Variants in LMO3 observed in about 807,000 individuals in gnomAD.
LMO3 encodes LIM domain only 3, also known as LIM domain only protein 3.
LMO3 carries 2 observed loss-of-function variants against 15.8 expected under a neutral mutation model. The observed-to-expected ratio is 0.13, with a 90% CI of 0.05 to 0.40. LMO3 has a LOEUF of 0.40. Among genes scored for constraint, LMO3 ranks in the 10% least tolerant of loss-of-function variants. The pLI, the probability that LMO3 is intolerant of heterozygous loss-of-function variation, is 0.99. For synonymous variants in LMO3, 62 were observed against 63.8 expected, an observed-to-expected ratio of 0.97 and a Z score of 0.13; for missense variants, 86 against 182.2, an observed-to-expected ratio of 0.47 and a Z score of 3.04.
chr12:16,603,348 A>G lies in LMO3; in HGVS notation c.-8-2480T>C, dbSNP rs141785125. Among the ~76,000 whole-genome samples the G allele has an allele frequency of 5.4e-3, 821 of 152,340 alleles. 17 individuals are homozygous for G. Among genetic ancestry groups the G allele is most frequent in the East Asian group, 7.3e-3 (38 of 5,178 alleles). ...GAATTCCATGCAAGTTAACAATTGT[A>G]GCAAAAGAACTATTTTGTAGTCACC... On this transcript the variant is annotated intron_variant, in intron 1 of 3. Transcript: ENST00000537304. This position sits in a 1 kb window ranked among gnomAD's most constrained non-coding sequence, Gnocchi z 4.9.
chr12:16,567,069 G>A (rs561636243), intron 2 of LMO3, among the ~76,000 whole-genome samples: 43 of 152,128 alleles, frequency 2.8e-4, no homozygotes, highest in East Asian at 1.6e-3. Flanking sequence ...GTTGGCAGGC[G>A]CCTGTATTTC....
Position 16,600,783 on chromosome 12 carries a change from T to C in LMO3, c.78A>G (p.Leu26=), listed in dbSNP as rs372858085. 24 of 1,614,044 alleles carry C rather than the reference T, an allele frequency of 1.5e-5. No individual in the cohort carries two copies. The highest frequency in any genetic ancestry group is 1.9e-5 in the Non-Finnish European group (23 of 1,180,028). The change falls in exon 2 of 4, where the codon CTA becomes CTG. Residue 26 remains leucine (L), a synonymous_variant. Transcript: ENST00000537304. ...CATGCCAGTATTTGTCCAGTGCCTT[T>C]AGAAGATACCGGTCCTTGATCTTTC... is the stretch of plus-strand genomic sequence containing the variant. ...CNRKIKDRYL[L]KALDKYWHED... is the part of the protein sequence containing the mutation.
intron 1 of LMO3, chr12:16,605,422 GCCCCTACCCGCCTGCCC>G: frequency 9.4e-7 from 1 of 1,060,716 alleles, no homozygotes; most frequent in East Asian, 5.6e-5. Context: ...AGCCACTTCT[GCCCCTACCCGCCTGCCC>G]CCCCCCCCCG....
chr12:16,609,811 C>G (rs138807298), upstream of LMO3: 25 of 152,100 alleles, frequency 1.6e-4, no homozygotes, highest in East Asian at 4.1e-3. Context: ...AAGTTTTCAG[C>G]TGTTTCTTTC....
At chr12:16,592,625 C>T (rs1240213135) in intron 2 of LMO3, among the ~76,000 whole-genome samples, 1 of 151,820 alleles carries the variant, frequency 6.6e-6, no homozygotes, top group Non-Finnish European at 1.5e-5. Context: ...CTCATGTTAC[C>T]AACTTTATAC....
At chr12:16,561,213 A>C (rs1942393356) in intron 2 of LMO3, among the ~76,000 whole-genome samples, 1 of 152,304 alleles carries the variant, frequency 6.6e-6, no homozygotes, top group South Asian at 2.1e-4. Context: ...TTTGCTGCAG[A>C]TTCCTGAGAA....
Position 16,584,297 on chromosome 12 carries a change from G to A in LMO3, c.206+16358C>T, listed in dbSNP as rs1180116543. On this transcript the variant is annotated intron_variant, in intron 2 of 3. Transcript: ENST00000537304. This position sits in a 1 kb window ranked among gnomAD's most constrained non-coding sequence, Gnocchi z 5.2. Reference sequence around the variant, plus strand: ...TTCATGGAATGTGGGATTTACATGAGTAAGTAGTACCTTGCACCTGTTGAC... The same window carrying A: ...TTCATGGAATGTGGGATTTACATGAATAAGTAGTACCTTGCACCTGTTGAC... Among the ~76,000 whole-genome samples the A allele has an allele frequency of 1.3e-5, 2 of 152,186 alleles. No individual in the cohort carries two copies. Among genetic ancestry groups the A allele is most frequent in the Non-Finnish European group, 2.9e-5 (2 of 68,042 alleles).
rs1025547396 is a variant in LMO3 at position 16,596,322 on chromosome 12, G to A, written c.206+4333C>T. Among the ~76,000 whole-genome samples the A allele has an allele frequency of 6.6e-6, 1 of 151,432 alleles. No homozygotes were observed. The highest frequency in any genetic ancestry group is 6.6e-5 in the Admixed American group (1 of 15,160). On this transcript the variant is annotated intron_variant, in intron 2 of 3. Coordinates refer to ENST00000537304, the MANE Select transcript of LMO3 (RefSeq NM_018640.5). This position sits in a 1 kb window ranked among gnomAD's most constrained non-coding sequence, Gnocchi z 4.3. ...TTCATTTTAAACAAATCATCCTCACGTATAAAAATAGCAAATTGCATTAAA... is the reference window on the plus strand; with the variant it reads ...TTCATTTTAAACAAATCATCCTCACATATAAAAATAGCAAATTGCATTAAA...
intron 3 of LMO3, among the ~76,000 whole-genome samples, chr12:16,558,479 A>G (rs918212742): frequency 2.0e-5 from 3 of 152,114 alleles, no homozygotes; most frequent in Admixed American, 2.0e-4. Flanking sequence ...TAAAATGTAT[A>G]AAATACATAT....
chr12:16,590,474 G>A (rs1044662691), intron 2 of LMO3, among the ~76,000 whole-genome samples: 1 of 151,910 alleles, frequency 6.6e-6, no homozygotes, highest in African/African-American at 2.4e-5. Context: ...AATAGGGCTT[G>A]GCTTGACTTT....
rs577574583 is a variant in LMO3, at chr12:16,576,822, G to T, written c.207-16284C>A. Among the ~76,000 whole-genome samples, 85 of 152,296 alleles carry T rather than the reference G, an allele frequency of 5.6e-4. No homozygotes were observed. The highest frequency in any genetic ancestry group is 1.7e-3 in the Admixed American group (26 of 15,294). On this transcript the variant is annotated intron_variant, in intron 2 of 3. Coordinates refer to ENST00000537304, the MANE Select transcript of LMO3 (RefSeq NM_018640.5). This position sits in a 1 kb window ranked among gnomAD's most constrained non-coding sequence, Gnocchi z 4.1. ...ATTTTTAAATACCATTTTAAATTCA[G>T]TGTACAATGGACATAAGACCTGTAG...
At position 16,600,657 on chromosome 12, in the gene LMO3, C is replaced by T; in HGVS notation, c.204G>A (p.Leu68=). The part of the protein sequence containing the change: ...ANLILCRRDY[L]RLFGVTGNCA... ...TGGTGTGCAAGGATAATTCCTACCT[C>T]AGATAGTCTCTGCGACAAAGGATAA... The change falls in exon 2 of 4, where the codon CTG becomes CTA. Residue 68 remains leucine, a splice_region_variant and synonymous_variant. Coordinates refer to ENST00000537304, the MANE Select transcript of LMO3 (RefSeq NM_018640.5). 6.2e-7 allele frequency: 1 copy of T among 1,613,534 alleles called. No homozygotes were observed. The highest frequency in any genetic ancestry group is 8.5e-7 in the Non-Finnish European group (1 of 1,179,494).
At chr12:16,573,306 CAAA>C (rs1340606469) in intron 2 of LMO3, among the ~76,000 whole-genome samples, 1 of 152,002 alleles carries the variant, frequency 6.6e-6, no homozygotes, top group African/African-American at 2.4e-5. Flanking sequence ...ATAGTTGAAA[CAAA>C]AATTTTGAAC....
In LMO3 at chr12:16,549,667, A is replaced by G. The variant is rs150013338; in HGVS notation, c.*1555T>C. The G allele has an allele frequency of 3.5e-4, 53 of 152,412 alleles. No homozygotes were observed. Among genetic ancestry groups the G allele is most frequent in the African/African-American group, 1.2e-3 (51 of 41,564 alleles). The allele number at this position is 152,412 out of a possible 1,614,324, so 9.4% of individuals were successfully genotyped here. The stretch of plus-strand genomic sequence containing the variant: ...AAAGAAAAAGAAAACCCATAGCACT[A>G]AGTTTGCTGTAGTGAAAATATGGTT... On this transcript the variant is annotated 3_prime_UTR_variant, in exon 4 of 4. Transcript: ENST00000537304.
rs1215794884 is a variant in LMO3 at position 16,596,059 on chromosome 12, G to A, written c.206+4596C>T. 6.6e-6 allele frequency among the ~76,000 whole-genome samples: 1 copy of A among 151,416 alleles called. No individual in the cohort carries two copies. The highest frequency in any genetic ancestry group is 1.9e-4 in the East Asian group (1 of 5,176). On this transcript the variant is annotated intron_variant, in intron 2 of 3. Transcript: ENST00000537304. The surrounding 1 kb of genome is among the most constrained non-coding windows in gnomAD (Gnocchi z 4.3). Reference sequence around the variant, plus strand: ...TATTTACCTTTACACTTATAATTATGTACCAATATAAAGCTGACCTTACAT... The same window carrying A: ...TATTTACCTTTACACTTATAATTATATACCAATATAAAGCTGACCTTACAT...
chr12:16,605,431 C>T (rs917234061), intron 1 of LMO3: 219 of 883,570 alleles, frequency 2.5e-4, no homozygotes, highest in Non-Finnish European at 2.9e-4. Context: ...TGCCCCTACC[C>T]GCCTGCCCCC....
chr12:16,583,043 C>G (rs1043199560), intron 2 of LMO3, among the ~76,000 whole-genome samples: 17 of 56,288 alleles, frequency 3.0e-4, no homozygotes, highest in African/African-American at 1.1e-3. Flanking sequence ...CGAGACTCCG[C>G]CTCAAAAAAA....
chr12:16,557,249 AG>A (rs1483395379), intron 3 of LMO3, among the ~76,000 whole-genome samples: 1 of 152,184 alleles, frequency 6.6e-6, no homozygotes, highest in Non-Finnish European at 1.5e-5. Flanking sequence ...AAATGGACAA[AG>A]GACATAAACT....
chr12:16,566,032 ATATATAT>A, intron 2 of LMO3, among the ~76,000 whole-genome samples: 6 of 84,162 alleles, frequency 7.1e-5, no homozygotes, highest in Admixed American at 2.5e-4. Context: ...ATATATATAT[ATATATAT>A]AAAATGGAGT....
Sources: allele counts gnomAD v4.1 joint callset (sites outside exome capture counted in the v4.1 genomes callset), GRCh38; gene constraint gnomAD v4.1.1; non-coding constraint Gnocchi (gnomAD v3.1); transcripts MANE v1.5; gene names NCBI Gene and HGNC (gene_info 2026-07-23, HGNC 2026-07-21).